Variants in HDAC5 observed in about 807,000 individuals in gnomAD.
HDAC5 encodes histone deacetylase 5, also known as antigen NY-CO-9.
HDAC5 carries 25 observed loss-of-function variants against 133.3 expected under a neutral mutation model. The ratio of observed to expected loss-of-function variants is 0.19; its 90% CI spans 0.14 to 0.26. The LOEUF is 0.26. Among genes scored for constraint, HDAC5 ranks in the 10% least tolerant of loss-of-function variants. HDAC5 has a pLI of 1.00. For synonymous variants in HDAC5, 589 were observed against 610.8 expected (o/e 0.96, Z 0.53); for missense variants, 1,041 against 1,460.5 (o/e 0.71, Z 4.68).
At chr17:44,101,410 CA>C (rs35671008) in intron 3 of HDAC5, among the ~76,000 whole-genome samples, 26 of 66,790 alleles carry the variant, frequency 3.9e-4, no homozygotes, top group Middle Eastern at 7.6e-3. Context: ...GACTCCGTCT[CA>C]AAAAAAAAAA....
At chr17:44,105,728 T>G (rs2051895187) in intron 3 of HDAC5, among the ~76,000 whole-genome samples, 3 of 152,140 alleles carry the variant, frequency 2.0e-5, no homozygotes. Context: ...GATTCACCTC[T>G]TTCTAGGGCG....
chr17:44,116,750 C>T, intron 2 of HDAC5, among the ~76,000 whole-genome samples: 1 of 152,128 alleles, frequency 6.6e-6, no homozygotes, highest in East Asian at 1.9e-4. Flanking sequence ...CACTAGAACA[C>T]AGCCTCACAG....
Position 44,088,510 on chromosome 17 carries a change from G to C in HDAC5, c.1476C>G (p.Pro492=). The change falls in exon 12 of 27, where the codon CCC becomes CCG. Residue 492 remains proline (P), a synonymous_variant. Transcript: ENST00000682912. ...GCGGTGAGGACTGAGTGCGGCTCAG[G>C]GGCCGATGCCGCGGGAGCTTGCCTA... ...RTVGKLPRHR[P]LSRTQSSPLP... 1.9e-6 allele frequency: 3 copies of C among 1,613,288 alleles called. No homozygotes were observed. The highest frequency in any genetic ancestry group is 2.5e-6 in the Non-Finnish European group (3 of 1,179,912).
intron 2 of HDAC5, chr17:44,111,660 T>C (rs754556903): frequency 3.9e-6 from 2 of 517,722 alleles, no homozygotes; most frequent in East Asian, 5.5e-5. Flanking sequence ...AATAGCCCCA[T>C]GGAGGTTTGC....
intron 13 of HDAC5, 67 bp downstream of exon 13, chr17:44,087,345 G>A: frequency 4.2e-6 from 3 of 708,736 alleles, no homozygotes; most frequent in Non-Finnish European, 7.9e-6. Context: ...AAAGACAAGG[G>A]CAGAGGCAGG....
At chr17:44,091,883 C>T in intron 9 of HDAC5, 52 bp from the exon 10 acceptor site, 1 of 1,506,072 alleles carries the variant, frequency 6.6e-7, no homozygotes, top group South Asian at 1.4e-5. Flanking sequence ...GGGGAGGCAA[C>T]AAGGGAGGGC....
chr17:44,100,033 C>T (rs1356176823), intron 3 of HDAC5, among the ~76,000 whole-genome samples: 2 of 152,150 alleles, frequency 1.3e-5, no homozygotes, highest in South Asian at 2.1e-4. Context: ...CGTGGGGCAA[C>T]CCCTGAGACT....
chr17:44,122,859 C>T (rs2053096238), intron 1 of HDAC5, among the ~76,000 whole-genome samples: 1 of 152,162 alleles, frequency 6.6e-6, no homozygotes, highest in Admixed American at 6.5e-5. Context: ...CATTTCATCT[C>T]CTAGCTCTCG....
intron 2 of HDAC5, among the ~76,000 whole-genome samples, chr17:44,115,449 G>A (rs1345621563): frequency 1.3e-5 from 2 of 152,120 alleles, no homozygotes; most frequent in Non-Finnish European, 2.9e-5. Flanking sequence ...TACTTCCGCC[G>A]AGTTCCAAGG....
intron 15 of HDAC5, 32 bp from the exon 16 acceptor site, chr17:44,084,707 A>G: frequency 6.2e-7 from 1 of 1,611,596 alleles, no homozygotes; most frequent in Non-Finnish European, 8.5e-7. Flanking sequence ...GGGGTCACAC[A>G]AAGGCACAGC....
intron 3 of HDAC5, among the ~76,000 whole-genome samples, chr17:44,108,395 G>A (rs1237257830): frequency 6.6e-6 from 1 of 152,130 alleles, no homozygotes; most frequent in Non-Finnish European, 1.5e-5. Flanking sequence ...TAGGTGCTGG[G>A]CAATGGCAAC....
chr17:44,085,321 T>G, intron 14 of HDAC5, 166 bp from the exon 15 acceptor site: 3 of 469,170 alleles, frequency 6.4e-6, no homozygotes, highest in Non-Finnish European at 7.0e-6. Flanking sequence ...CCCTCTCCTC[T>G]CCAGCTTTTT....
intron 22 of HDAC5, 53 bp downstream of exon 22, chr17:44,080,348 T>A: frequency 6.3e-7 from 1 of 1,576,942 alleles, no homozygotes; most frequent in Non-Finnish European, 8.7e-7. Context: ...CCCCTCCCAC[T>A]GCAGGGCCCA....
At chr17:44,115,567 T>TG (rs1408234504) in intron 2 of HDAC5, among the ~76,000 whole-genome samples, 2 of 152,106 alleles carry the variant, frequency 1.3e-5, no homozygotes, top group Admixed American at 6.5e-5. Context: ...AAGGAAGAGC[T>TG]GGGGGGAGGC....
intron 10 of HDAC5, 86 bp downstream of exon 10, chr17:44,091,614 T>C (rs1030619032): frequency 1.5e-5 from 22 of 1,497,780 alleles, no homozygotes; most frequent in African/African-American, 2.8e-5. Context: ...CCTTAGGGCC[T>C]TGGAAGGGGA....
At position 44,117,587 on chromosome 17, in the gene HDAC5, A is replaced by G; in HGVS notation, c.-72T>C. 1 of 1,552,582 alleles carries G rather than the reference A, an allele frequency of 6.4e-7. No homozygotes were observed. On this transcript the variant is annotated 5_prime_UTR_variant, in exon 2 of 27. Coordinates refer to ENST00000682912, the MANE Select transcript of HDAC5 (RefSeq NM_005474.5). The surrounding 1 kb of genome is among the most constrained non-coding windows in gnomAD (Gnocchi z 4.2). ...AGGGGGTGGAGCTGCGGTGATGTCA[A>G]GAGAGACAGACGATAACAGACAGAC...
chr17:44,101,522 C>T (rs1005763377), intron 3 of HDAC5, among the ~76,000 whole-genome samples: 2 of 151,466 alleles, frequency 1.3e-5, no homozygotes, highest in African/African-American at 4.9e-5. Flanking sequence ...GACATTATTA[C>T]GCTGTTTGGA....
At chr17:44,084,461 C>CA in intron 16 of HDAC5, 94 bp downstream of exon 16, 1 of 1,501,374 alleles carries the variant, frequency 6.7e-7, no homozygotes, top group Admixed American at 1.8e-5. Context: ...CCCGTGGGGA[C>CA]AACCCTCCTA....
At chr17:44,102,735 C>T (rs1266347855) in intron 3 of HDAC5, among the ~76,000 whole-genome samples, 1 of 138,738 alleles carries the variant, frequency 7.2e-6, no homozygotes, top group East Asian at 2.2e-4. Context: ...GGGGTGATCT[C>T]GGGTCACTGC....
Sources: allele counts gnomAD v4.1 joint callset (sites outside exome capture counted in the v4.1 genomes callset), GRCh38; gene constraint gnomAD v4.1.1; non-coding constraint Gnocchi (gnomAD v3.1); transcripts MANE v1.5; gene names NCBI Gene and HGNC (gene_info 2026-07-23, HGNC 2026-07-21).